The following MUC4 variants were observed in gnomAD, a reference collection of about 807,000 sequenced individuals.
MUC4 encodes mucin 4, cell surface associated.
A neutral mutation model predicts 257.9 loss-of-function variants in MUC4; 202 were observed. That is an observed-to-expected ratio of 0.78 (90% confidence interval 0.70 to 0.88). MUC4 has a LOEUF of 0.88. MUC4 is among the 40% of genes least tolerant of loss of function. The pLI is 0.00. For missense variants in MUC4, 5,976 were observed against 6,513.7 expected (o/e 0.92, Z 2.84); for synonymous variants, 2,351 against 2,757.1 (o/e 0.85, Z 4.62).
At chr3:195,766,590 T>C in intron 8 of MUC4, 73 bp downstream of exon 8, 2 of 1,361,252 alleles carry the variant, frequency 1.5e-6, no homozygotes, top group Non-Finnish European at 2.1e-6. Context: ...CCTCTAGGAC[T>C]GCGATGGTGT....
intron 6 of MUC4, 143 bp downstream of exon 6, chr3:195,770,073 G>A (rs551119031): frequency 9.5e-6 from 8 of 845,948 alleles, no homozygotes; most frequent in Middle Eastern, 3.7e-4. Flanking sequence ...TGGTGGCAGT[G>A]GGGGGGTGGC....
intron 1 of MUC4, among the ~76,000 whole-genome samples, chr3:195,793,968 C>T (rs969973778): frequency 6.6e-6 from 1 of 151,704 alleles, no homozygotes; most frequent in Non-Finnish European, 1.5e-5. Context: ...AGAGGCCAGG[C>T]ATGGTGGCTC....
Position 195,796,702 on chromosome 3 carries a change from T to C in MUC4, c.83-5205A>G, listed in dbSNP as rs550716611. On this transcript the variant is annotated intron_variant, in intron 1 of 24. Transcript: ENST00000463781. ...TGAGACTCCGTCTCAAAAAAAAATATGTATATATAATCTATCCACCCCACA... is the reference window on the plus strand; with the variant it reads ...TGAGACTCCGTCTCAAAAAAAAATACGTATATATAATCTATCCACCCCACA... 3.3e-5 allele frequency among the ~76,000 whole-genome samples: 5 copies of C among 151,832 alleles called. No homozygotes were observed. In the East Asian group the frequency reaches 9.8e-4, roughly 30 times the overall value.
Position 195,781,338 on chromosome 3 carries a change from A to T in MUC4, c.10242T>A (p.Pro3414=). The T allele has an allele frequency of 6.7e-7, 1 of 1,503,172 alleles. No homozygotes were observed. The highest frequency in any genetic ancestry group is 1.2e-5 in the South Asian group (1 of 81,244). 93.1% of individuals were successfully genotyped at this position (1,503,172 alleles called of 1,614,324 possible). A position where few individuals can be genotyped will look rare whatever the true frequency, so the allele number is the denominator to read the frequency against. The part of the protein sequence containing the change: ...GDTMPLPVTS[P]SSASTGHATP... Reference sequence around the variant, plus strand: ...TGGCGTGACCTGTGGATGCTGAGGAAGGGCTAGTGACAGGAAGAGGCATGG... The same window carrying T: ...TGGCGTGACCTGTGGATGCTGAGGATGGGCTAGTGACAGGAAGAGGCATGG... The change falls in exon 2 of 25, where the codon CCT becomes CCA. Residue 3414 remains proline, a synonymous_variant. Transcript: ENST00000463781.
chr3:195,781,171 G>C lies in MUC4; in HGVS notation c.10409C>G (p.Thr3470Ser), dbSNP rs1214159898. 1 of 1,490,886 alleles carries C rather than the reference G, an allele frequency of 6.7e-7. No individual in the cohort carries two copies. Among genetic ancestry groups the C allele is most frequent in the Non-Finnish European group, 9.0e-7 (1 of 1,116,350 alleles). The allele number at this position is 1,490,886 out of a possible 1,614,324, so 92.4% of individuals were successfully genotyped here. The change falls in exon 2 of 25, where the codon ACC (threonine) becomes AGC (serine). Residue 3470 changes from threonine (T) to serine (S), a missense_variant. Thr to Ser is a moderately conservative substitution (Grantham distance 58, BLOSUM62 1). Transcript: ENST00000463781. ...AGGGCTGGTGACAGGAAGAGGGGTGGTGTCACCTGTGGATGCTGAGGAAGT... is the reference window on the plus strand; with the variant it reads ...AGGGCTGGTGACAGGAAGAGGGGTGCTGTCACCTGTGGATGCTGAGGAAGT... ...TDTSSASTGDTTPLPVTSPSS... is the reference protein window; with the variant it reads ...TDTSSASTGDSTPLPVTSPSS...
chr3:195,779,313 T>G lies in MUC4; in HGVS notation c.12267A>C (p.Ala4089=). The change falls in exon 2 of 25, where the codon GCA becomes GCC. Residue 4089 remains alanine (A), a synonymous_variant. Transcript: ENST00000463781. ...GAAGAGGGGTGGCGTGACCGGTGGA[T>G]GCTGAGGAAGCATCGGTGACAGGAA... ...STLPVTDASS[A]STGHATPLPL... The G allele has an allele frequency of 1.8e-6, 2 of 1,093,760 alleles. 1 individual carries two copies. Among genetic ancestry groups the G allele is most frequent in the Non-Finnish European group, 2.5e-6 (2 of 804,718 alleles). The allele number at this position is 1,093,760 out of a possible 1,614,324, so 67.8% of individuals were successfully genotyped here.
chr3:195,776,009 CCCATACCTTCCACAT>C (rs1724576292), intron 3 of MUC4, among the ~76,000 whole-genome samples: 1 of 36,640 alleles, frequency 2.7e-5, no homozygotes. Flanking sequence ...ACCTTCCACA[CCCATACCTTCCACAT>C]CCATACCTTC....
At position 195,788,302 on chromosome 3, in the gene MUC4, TC is replaced by T. The variant is rs1733127239; in HGVS notation, c.3277del (p.Asp1093ThrfsTer143). ...TGDTTPLPVTDTSSASTGHAT... is the reference protein window; with the variant it reads ...TGDTTPLPVTXTSSASTGHAT... The stretch of plus-strand genomic sequence containing the variant: ...GTGACCTGTGGATGCTGAGGAAGTG[TC>T]AGTGACAGGAAGAGGGGTGGTGTCA... On this transcript the variant is annotated frameshift_variant, in exon 2 of 25. Transcript: ENST00000463781. LOFTEE classifies it high-confidence loss of function. The T allele has an allele frequency of 2.0e-6, 3 of 1,500,832 alleles. 1 individual carries two copies. The African/African-American group carries it at 5.5e-5, about 27-fold the overall frequency. The allele number at this position is 1,500,832 out of a possible 1,614,324, so 93.0% of individuals were successfully genotyped here.
rs757992964 is a variant in MUC4 at position 195,780,385 on chromosome 3, G to C, written c.11195C>G (p.Thr3732Ser). The change falls in exon 2 of 25, where the codon ACC becomes AGC. Residue 3732 changes from threonine (T) to serine (S), a missense_variant. Physicochemically the swap from Thr to Ser is moderately conservative, Grantham distance 58. Coordinates refer to ENST00000463781, the MANE Select transcript of MUC4 (RefSeq NM_018406.7). ...STGHVTPLHVTSPSSASTGHV... is the reference protein window; with the variant it reads ...STGHVTPLHVSSPSSASTGHV... ...ACCTGTGGATGCTGAGGAAGGGCTG[G>C]TGACATGAAGAGGGGTGACGTGACC... 41 of 1,420,362 alleles carry C rather than the reference G, an allele frequency of 2.9e-5. 1 individual carries two copies. Among genetic ancestry groups the C allele is most frequent in the Admixed American group, 4.2e-5 (2 of 48,154 alleles). The allele number at this position is 1,420,362 out of a possible 1,614,324, so 88.0% of individuals were successfully genotyped here.
chr3:195,766,951 G>A (rs1720644004), intron 7 of MUC4, among the ~76,000 whole-genome samples, 200 bp from the exon 8 acceptor site: 1 of 152,188 alleles, frequency 6.6e-6, no homozygotes, highest in Non-Finnish European at 1.5e-5. Context: ...GCAGAGGTAG[G>A]AGGCTCTAAC....
rs1449714942 is a variant in MUC4, at chr3:195,749,345, T to C, written c.15872-281A>G. Among the ~76,000 whole-genome samples the C allele has an allele frequency of 7.3e-5, 11 of 150,636 alleles. No individual in the cohort carries two copies. In the South Asian group the frequency reaches 1.4e-3, roughly 20 times the overall value. Reference sequence around the variant, plus strand: ...AGGTTCCTAGGGAAAAAGGTTCCTGTGGAAAAAGGTTCCTATGGAAAATGC... The same window carrying C: ...AGGTTCCTAGGGAAAAAGGTTCCTGCGGAAAAAGGTTCCTATGGAAAATGC... On this transcript the variant is annotated intron_variant, in intron 23 of 24. Coordinates refer to ENST00000463781, the MANE Select transcript of MUC4 (RefSeq NM_018406.7).
intron 4 of MUC4, 95 bp from the exon 5 acceptor site, chr3:195,771,911 G>A (rs751776321): frequency 2.5e-5 from 35 of 1,403,154 alleles, no homozygotes; most frequent in Non-Finnish European, 3.4e-5. Context: ...GACCCCCAAG[G>A]GTAGAGCTTT....
intron 14 of MUC4, among the ~76,000 whole-genome samples, chr3:195,761,868 C>G (rs537553059): frequency 1.1e-4 from 16 of 151,032 alleles, no homozygotes; most frequent in African/African-American, 1.5e-4. Flanking sequence ...TCCCCGCAGC[C>G]CCCCCTGATG....
At chr3:195,747,486 G>A (rs1461069759) in intron 24 of MUC4, 106 bp from the exon 25 acceptor site, 7 of 1,294,382 alleles carry the variant, frequency 5.4e-6, no homozygotes, top group East Asian at 2.5e-5. Flanking sequence ...GGCTGGGCTC[G>A]CCCCACTCTC....
At chr3:195,769,239 T>C in intron 6 of MUC4, 87 bp from the exon 7 acceptor site, 1 of 1,533,974 alleles carries the variant, frequency 6.5e-7, no homozygotes, top group Non-Finnish European at 8.8e-7. Context: ...CCCACAGCCC[T>C]GCTCTGACAC....
rs1033322585 is a variant in MUC4, at chr3:195,778,866, G to C, written c.12714C>G (p.Ala4238=). The stretch of plus-strand genomic sequence containing the variant: ...TAGCACTGCTGACAGCAAGAGGGGT[G>C]GCGTGACCTGTGGATACTGAGGAAA... ...TSLSSVSTGH[A]TPLAVSSATS... The change falls in exon 2 of 25, where the codon GCC becomes GCG. Residue 4238 remains alanine, a synonymous_variant. Transcript: ENST00000463781. 1 of 1,610,040 alleles carries C rather than the reference G, an allele frequency of 6.2e-7. No homozygotes were observed. The highest frequency in any genetic ancestry group is 8.5e-7 in the Non-Finnish European group (1 of 1,178,444).
chr3:195,772,665 TG>T (rs1723233587), intron 4 of MUC4, among the ~76,000 whole-genome samples: 1 of 141,732 alleles, frequency 7.1e-6, no homozygotes, highest in Admixed American at 7.1e-5. Flanking sequence ...TCAGCAGGTG[TG>T]GACACCCTCT....
chr3:195,778,599 T>A, intron 2 of MUC4, 144 bp from the exon 3 acceptor site: 1 of 1,297,864 alleles, frequency 7.7e-7, no homozygotes, highest in Non-Finnish European at 1.1e-6. Flanking sequence ...ACTCTCGACA[T>A]CAGTGCTTTT....
chr3:195,764,108 A>C lies in MUC4; in HGVS notation c.13981T>G (p.Cys4661Gly), dbSNP rs1309866016. ...CCRWNDKPYL[C>G]ALYQQRRPHV... ...GGCCGCCTCTGCTGGTACAGGGCAC[A>C]GAGGTAGGGCTTGTCATTCCAGCGG... Residue 4661 changes from cysteine (C) to glycine (G), a missense_variant, in exon 11 of 25, where the codon TGT becomes GGT. By Grantham distance (159) the Cys-to-Gly change is radical (BLOSUM62 -3). Around this residue, in one of 44 missense-constraint regions of MUC4, gnomAD observed 996 missense variants for 1,137.3 expected, o/e 0.88. Transcript: ENST00000463781. 6.2e-7 allele frequency: 1 copy of C among 1,604,210 alleles called. No individual in the cohort carries two copies. Among genetic ancestry groups the C allele is most frequent in the Non-Finnish European group, 8.5e-7 (1 of 1,176,020 alleles).
Sources: gnomAD v4.1 joint callset for allele counts (sites outside exome capture counted in the v4.1 genomes callset) on GRCh38, gnomAD v4.1.1 for gene constraint, gnomAD v4.1.1 regional missense constraint, MANE v1.5 for transcripts, NCBI Gene and HGNC (gene_info 2026-07-23, HGNC 2026-07-21) for gene names.